FRYL: variants seen among roughly 807,000 people sequenced by gnomAD.
FRYL encodes FRY like transcription coactivator.
A neutral mutation model predicts 351.2 loss-of-function variants in FRYL; 150 were observed. The observed-to-expected ratio is 0.43, with a 90% CI of 0.37 to 0.49. FRYL has a LOEUF of 0.49. Among genes scored for constraint, FRYL ranks in the 20% least tolerant of loss-of-function variants. The pLI is 0.00. For missense variants in FRYL, 3,036 were observed against 3,619.3 expected (o/e 0.84, Z 4.13); for synonymous variants, 1,153 against 1,257.1 (o/e 0.92, Z 1.75).
chr4:48,710,160 C>T (rs1302660254), intron 2 of FRYL, among the ~76,000 whole-genome samples: 4 of 152,170 alleles, frequency 2.6e-5, no homozygotes, highest in African/African-American at 9.6e-5. Context: ...TGAATGTATA[C>T]ATAATTTACA....
intron 1 of FRYL, among the ~76,000 whole-genome samples, chr4:48,739,395 C>T (rs144366654): frequency 2.7e-4 from 31 of 115,498 alleles, no homozygotes; most frequent in Admixed American, 5.5e-4. Flanking sequence ...AGCAAGACTC[C>T]GTCTCAAAAA....
At chr4:48,614,479 T>C (rs368982773) in intron 7 of FRYL, among the ~76,000 whole-genome samples, 9 of 152,142 alleles carry the variant, frequency 5.9e-5, no homozygotes, top group African/African-American at 2.2e-4. Flanking sequence ...CCCTGCACTT[T>C]GGGAGGCCAA....
intron 2 of FRYL, among the ~76,000 whole-genome samples, chr4:48,707,709 A>G (rs1228288323): frequency 1.1e-4 from 16 of 152,210 alleles, no homozygotes; most frequent in Non-Finnish European, 7.3e-5. Flanking sequence ...GATTGAAGTG[A>G]GAAGTAAGAG....
intron 1 of FRYL, among the ~76,000 whole-genome samples, chr4:48,757,845 G>A (rs1184522247): frequency 9.2e-5 from 14 of 152,092 alleles, no homozygotes; most frequent in Non-Finnish European, 2.9e-5. Context: ...ATACTACAAG[G>A]CTACAGTAAC....
chr4:48,556,978 G>T lies in FRYL; in HGVS notation c.4266C>A (p.Tyr1422Ter). 6.4e-7 allele frequency: 1 copy of T among 1,572,714 alleles called. No homozygotes were observed. ...GVNSEPSLLP[Y>*]VKKVIVYLGR... ...AAATTAAATGAACTTGAATACATAC[G>T]TAAGGCAAGAGGCTTGGTTCGCTAT... The change falls in exon 35 of 64, where the codon TAC (tyrosine) becomes TAA (stop). Residue 1422 changes from tyrosine to a stop codon, truncating the protein, a stop_gained and splice_region_variant. Coordinates refer to ENST00000358350, the MANE Select transcript of FRYL (RefSeq NM_015030.2). LOFTEE classifies it high-confidence loss of function.
At chr4:48,766,844 A>C (rs1323162624) in intron 1 of FRYL, among the ~76,000 whole-genome samples, 5 of 151,944 alleles carry the variant, frequency 3.3e-5, no homozygotes, top group Non-Finnish European at 5.9e-5. Flanking sequence ...AGGTGATTTA[A>C]GAGTCACCTT....
chr4:48,779,332 G>A (rs1776375281), intron 1 of FRYL, among the ~76,000 whole-genome samples: 1 of 152,202 alleles, frequency 6.6e-6, no homozygotes, highest in Non-Finnish European at 1.5e-5. Flanking sequence ...GCTCGCGGGC[G>A]GTGGCCGCGG....
intron 7 of FRYL, chr4:48,618,982 G>A: frequency 3.8e-6 from 1 of 262,640 alleles, no homozygotes; most frequent in Non-Finnish European, 7.1e-6. Context: ...CTGAATGGCA[G>A]GCAAACTACA....
chr4:48,734,755 C>T (rs1406729698), intron 1 of FRYL, among the ~76,000 whole-genome samples: 3 of 152,160 alleles, frequency 2.0e-5, no homozygotes, highest in Admixed American at 2.0e-4. Flanking sequence ...CAGCTTTCTA[C>T]ATATGGCTAG....
At chr4:48,589,478 A>G (rs936895217) in intron 18 of FRYL, among the ~76,000 whole-genome samples, 2 of 151,894 alleles carry the variant, frequency 1.3e-5, no homozygotes, top group Admixed American at 1.3e-4. Context: ...CCTAGGATTC[A>G]TATTTTGCTC....
intron 44 of FRYL, 96 bp downstream of exon 44, chr4:48,543,711 C>T (rs1730724767): frequency 8.8e-6 from 9 of 1,017,106 alleles, no homozygotes; most frequent in South Asian, 3.7e-5. Context: ...TTCTAGATGC[C>T]CATTATCTTG....
At chr4:48,500,298 G>C (rs1271078100) in intron 62 of FRYL, 78 bp from the exon 63 acceptor site, 2 of 796,516 alleles carry the variant, frequency 2.5e-6, no homozygotes, top group Non-Finnish European at 3.9e-6. Flanking sequence ...GAATATACCT[G>C]ATGGCAGTAG....
Position 48,557,648 on chromosome 4 carries a change from T to C in FRYL, c.3930A>G (p.Leu1310=). The change falls in exon 34 of 64, where the codon CTA becomes CTG. Residue 1310 remains leucine (L), a synonymous_variant. Coordinates refer to ENST00000358350, the MANE Select transcript of FRYL (RefSeq NM_015030.2). ...AGRQVMLHYL[L]PWMNNIELVD... ...CCAGCTCGATGTTGTTCATCCATGG[T>C]AGCAGGTAGTGCAGCATCACCTGCC... is the stretch of plus-strand genomic sequence containing the variant. 1.2e-6 allele frequency: 2 copies of C among 1,614,164 alleles called. No individual in the cohort carries two copies. Among genetic ancestry groups the C allele is most frequent in the East Asian group, 2.2e-5 (1 of 44,884 alleles).
chr4:48,586,094 G>C (rs145176747), intron 19 of FRYL, among the ~76,000 whole-genome samples: 1 of 152,202 alleles, frequency 6.6e-6, no homozygotes, highest in South Asian at 2.1e-4. Flanking sequence ...CTTAGAATTA[G>C]GAGCTAGTAT....
intron 49 of FRYL, among the ~76,000 whole-genome samples, chr4:48,532,252 G>T (rs1382684364): frequency 6.6e-6 from 1 of 152,090 alleles, no homozygotes; most frequent in African/African-American, 2.4e-5. Flanking sequence ...GGCAGAATTG[G>T]GTTATCCAAT....
chr4:48,536,810 T>A (rs2148910054), intron 47 of FRYL, among the ~76,000 whole-genome samples: 1 of 152,346 alleles, frequency 6.6e-6, no homozygotes, highest in Middle Eastern at 3.4e-3. Flanking sequence ...TATATACATC[T>A]TCAACTTTCA....
intron 3 of FRYL, among the ~76,000 whole-genome samples, chr4:48,668,695 T>A (rs1488885099): frequency 1.3e-5 from 2 of 152,222 alleles, no homozygotes; most frequent in African/African-American, 4.8e-5. Flanking sequence ...GAAACAATAC[T>A]TTCATGTTAA....
chr4:48,622,352 G>A (rs558312196), intron 5 of FRYL, among the ~76,000 whole-genome samples: 6 of 152,068 alleles, frequency 3.9e-5, no homozygotes, highest in Non-Finnish European at 8.8e-5. Flanking sequence ...CCCTATTTAT[G>A]GTTTCTTCTT....
At chr4:48,588,994 A>C (rs1032418035) in intron 18 of FRYL, among the ~76,000 whole-genome samples, 1 of 152,204 alleles carries the variant, frequency 6.6e-6, no homozygotes, top group Non-Finnish European at 1.5e-5. Context: ...ATTGGCAAAA[A>C]ACTTCACATT....
Sources: gnomAD v4.1 joint callset for allele counts (sites outside exome capture counted in the v4.1 genomes callset) on GRCh38, gnomAD v4.1.1 for gene constraint, MANE v1.5 for transcripts, NCBI Gene and HGNC (gene_info 2026-07-23, HGNC 2026-07-21) for gene names.